MED23: variants seen among roughly 807,000 people sequenced by gnomAD.
MED23 encodes mediator of RNA polymerase II transcription subunit 23.
Under a neutral mutation model 163.9 loss-of-function variants are expected in MED23, and 105 were observed. The ratio of observed to expected loss-of-function variants is 0.64; its 90% CI spans 0.55 to 0.75. The LOEUF (loss-of-function observed/expected upper bound fraction) is 0.75. Ranked by LOEUF, MED23 falls within the 30% of genes least tolerant of loss-of-function variation. The pLI is 0.00. For synonymous variants in MED23, 561 were observed against 565.6 expected (o/e 0.99, Z 0.12); for missense variants, 1,054 against 1,649.0 (o/e 0.64, Z 6.25).
chr6:131,615,086 G>A (rs13191213), intron 10 of MED23, among the ~76,000 whole-genome samples: 326 of 104,610 alleles, frequency 3.1e-3, no homozygotes, highest in Middle Eastern at 6.9e-3. Flanking sequence ...AAAAAAAAAA[G>A]AAAAAAAAAG....
chr6:131,578,959 G>A (rs1773772443), intron 30 of MED23: 8 of 814,326 alleles, frequency 9.8e-6, no homozygotes, highest in Middle Eastern at 3.7e-4. Context: ...AAGCAGACAT[G>A]GGTCTACCTT....
intron 28 of MED23, among the ~76,000 whole-genome samples, chr6:131,588,285 T>C: frequency 6.6e-6 from 1 of 152,218 alleles, no homozygotes; most frequent in East Asian, 1.9e-4. Context: ...GAATAACTCA[T>C]GTTTGCAACA....
Position 131,596,502 on chromosome 6 carries a change from C to T in MED23, c.2778+16G>A, listed in dbSNP as rs114938918. 2.1e-3 allele frequency: 3,401 copies of T among 1,613,554 alleles called. 63 individuals are homozygous for T. In the African/African-American group the frequency reaches 0.041, roughly 19 times the overall value. On this transcript the variant is annotated intron_variant, in intron 21 of 28. Transcript: ENST00000368068. ...GCTTTAAAAGGACTATTTGAAATAC[C>T]AATTAGGACTAGTACCTTGTGATAA...
chr6:131,590,424 A>T lies in MED23; in HGVS notation c.3705T>A (p.Leu1235=). 6.2e-7 allele frequency: 1 copy of T among 1,605,252 alleles called. No individual in the cohort carries two copies. Among genetic ancestry groups the T allele is most frequent in the South Asian group, 1.1e-5 (1 of 90,754 alleles). ...SLIPKFLTEV[L]LPIVKTEFQL... ...GGAATTCGGTCTTCACTATAGGAAG[A>T]AGTACTTCAGTAAGAAACCTAAAAT... The change falls in exon 27 of 29, where the codon CTT becomes CTA. Residue 1235 remains leucine (L), a synonymous_variant. Coordinates refer to ENST00000368068, the MANE Select transcript of MED23 (RefSeq NM_004830.4).
chr6:131,602,932 A>C (rs1775594140), intron 16 of MED23, 98 bp downstream of exon 16: 21 of 1,284,928 alleles, frequency 1.6e-5, no homozygotes, highest in Middle Eastern at 2.5e-4. Context: ...AATAATAATA[A>C]AAAAAAAAAC....
intron 11 of MED23, 31 bp from the exon 12 acceptor site, chr6:131,608,102 C>T: frequency 2.5e-6 from 4 of 1,611,514 alleles, no homozygotes; most frequent in Non-Finnish European, 2.5e-6. Context: ...CACATGTATA[C>T]ACTGCTACTT....
At chr6:131,602,920 T>C (rs1036260312) in intron 16 of MED23, 110 bp downstream of exon 16, 14 of 1,142,430 alleles carry the variant, frequency 1.2e-5, no homozygotes, top group Admixed American at 1.2e-4. Context: ...TTATGACAGA[T>C]GAATAATAAT....
At position 131,593,150 on chromosome 6, in the gene MED23, C is replaced by G. The variant is rs1310471734; in HGVS notation, c.3254G>C (p.Gly1085Ala). The change falls in exon 24 of 29, where the codon GGT becomes GCT. Residue 1085 changes from glycine (G) to alanine (A), a missense_variant. Transcript: ENST00000368068. ...LVDTMAGKSP[G>A]PFPNCDWRFN... ...TCTCCAGTCACAGTTTGGAAAGGGA[C>G]CAGGAGATTTGCCAGCCATCGGTGC... is the stretch of plus-strand genomic sequence containing the variant. 6.2e-7 allele frequency: 1 copy of G among 1,613,988 alleles called. No individual in the cohort carries two copies. The highest frequency in any genetic ancestry group is 8.5e-7 in the Non-Finnish European group (1 of 1,180,024).
Position 131,592,424 on chromosome 6 carries a change from C to T in MED23, c.3435G>A (p.Trp1145Ter). ...TGATGATCAAACCAATTGCATTCAT[C>T]CATGCTGTAATGTTCTCTCTTGGCA... ...PLVPRENITA[W>*]MNAIGLIITA... is the part of the protein sequence containing the mutation. The change falls in exon 25 of 29, where the codon TGG (tryptophan) becomes TGA (stop). Residue 1145 changes from tryptophan (W) to a stop codon, truncating the protein, a stop_gained. Transcript: ENST00000368068. LOFTEE classifies it high-confidence loss of function. 3 of 1,614,002 alleles carry T rather than the reference C, an allele frequency of 1.9e-6. No homozygotes were observed. The highest frequency in any genetic ancestry group is 2.5e-6 in the Non-Finnish European group (3 of 1,179,960).
At chr6:131,583,377 A>G, downstream of MED23, 1 of 1,614,206 alleles carries the variant, frequency 6.2e-7, no homozygotes, top group South Asian at 1.1e-5. Context: ...AATTCATCTA[A>G]GTTTTGATGT....
Position 131,594,364 on chromosome 6 carries a change from T to C in MED23, c.2996-29A>G, listed in dbSNP as rs778072163. 5 of 1,495,870 alleles carry C rather than the reference T, an allele frequency of 3.3e-6. No homozygotes were observed. In the East Asian group the frequency reaches 1.1e-4, roughly 34 times the overall value. The allele number at this position is 1,495,870 out of a possible 1,614,324, so 92.7% of individuals were successfully genotyped here. A position where few individuals can be genotyped will look rare whatever the true frequency, so the allele number is the denominator to read the frequency against. On this transcript the variant is annotated intron_variant, in intron 22 of 28. Transcript: ENST00000368068. ...CCAAGAAAAAAACATACCACCACAA[T>C]GTTTAACTGGTTACTAATAACTGTG...
intron 4 of MED23, among the ~76,000 whole-genome samples, chr6:131,623,695 TC>T (rs981714038): frequency 6.6e-6 from 1 of 152,154 alleles, no homozygotes; most frequent in Non-Finnish European, 1.5e-5. Flanking sequence ...ATATGGGGAT[TC>T]CCCCTTCACT....
intron 28 of MED23, among the ~76,000 whole-genome samples, chr6:131,588,725 C>T (rs1156561134): frequency 6.6e-6 from 1 of 152,048 alleles, no homozygotes; most frequent in African/African-American, 2.4e-5. Context: ...TGTCCTACCT[C>T]CACTCCTTTA....
intron 30 of MED23, among the ~76,000 whole-genome samples, chr6:131,577,233 C>A (rs1054631633): frequency 2.0e-5 from 3 of 152,078 alleles, no homozygotes; most frequent in African/African-American, 7.2e-5. Flanking sequence ...TTTTCTGTTA[C>A]CTTTACATAT....
intron 23 of MED23, 85 bp from the exon 24 acceptor site, chr6:131,593,256 T>C (rs939493556): frequency 5.9e-6 from 9 of 1,537,754 alleles, no homozygotes; most frequent in African/African-American, 2.7e-5. Flanking sequence ...AAGTGATTTG[T>C]CTACGCTTAG....
In MED23 at chr6:131,602,280, G is replaced by T; in HGVS notation, c.2033C>A (p.Ala678Glu). The change falls in exon 17 of 29, where the codon GCA becomes GAA. Residue 678 changes from alanine to glutamate, a missense_variant. Coordinates refer to ENST00000368068, the MANE Select transcript of MED23 (RefSeq NM_004830.4). ...GGCTCGGTTCAGTTCTTCAGATTCTGCTGAGAGCACTGTTTTGGGATCACT... is the reference window on the plus strand; with the variant it reads ...GGCTCGGTTCAGTTCTTCAGATTCTTCTGAGAGCACTGTTTTGGGATCACT... ...FLSDPKTVLS[A>E]ESEELNRALI... The T allele has an allele frequency of 6.2e-7, 1 of 1,613,938 alleles. No individual in the cohort carries two copies. Among genetic ancestry groups the T allele is most frequent in the African/African-American group, 1.3e-5 (1 of 75,046 alleles).
At chr6:131,574,077 C>G in exon 31 of MED23, 1 of 616,406 alleles carries the variant, frequency 1.6e-6, no homozygotes, top group Non-Finnish European at 2.9e-6. Flanking sequence ...TTTTTTCTGC[C>G]TGGGCACACT....
At position 131,581,227 on chromosome 6, in the gene MED23, T is replaced by A. The variant is rs762306280; in HGVS notation, c.4095+6482A>T. 3 of 1,613,838 alleles carry A rather than the reference T, an allele frequency of 1.9e-6. No homozygotes were observed. The Admixed American group carries it at 5.0e-5, about 27-fold the overall frequency. ...AATTTTTTCCCCAAAAGTTTGGCAA[T>A]TGGAAGCATCTCTGGCCATGCCAGG... On this transcript the variant is annotated intron_variant, in intron 30 of 30. Transcript: ENST00000354577.
At position 131,603,190 on chromosome 6, in the gene MED23, T is replaced by C; in HGVS notation, c.1771A>G (p.Thr591Ala). 6.2e-7 allele frequency: 1 copy of C among 1,613,912 alleles called. No homozygotes were observed. The highest frequency in any genetic ancestry group is 8.5e-7 in the Non-Finnish European group (1 of 1,179,846). ...CCCCATGCATGTGATTTGAAAACAGTTGGCAAAAGCTGACCTGGAGGAAAA... is the reference window on the plus strand; with the variant it reads ...CCCCATGCATGTGATTTGAAAACAGCTGGCAAAAGCTGACCTGGAGGAAAA... ...IKGFISQLLP[T>A]VFKSHAWGIL... The change falls in exon 16 of 29, where the codon ACT (threonine) becomes GCT (alanine). Residue 591 changes from threonine (T) to alanine (A), a missense_variant. Thr to Ala is a moderately conservative substitution (Grantham distance 58, BLOSUM62 0). Transcript: ENST00000368068.
Sources: gnomAD v4.1 joint callset for allele counts (sites outside exome capture counted in the v4.1 genomes callset) on GRCh38, gnomAD v4.1.1 for gene constraint, MANE v1.5 for transcripts, NCBI Gene and HGNC (gene_info 2026-07-23, HGNC 2026-07-21) for gene names.